CCDC183: variants seen among roughly 807,000 people sequenced by gnomAD.
CCDC183 encodes the protein coiled-coil domain containing 183, also known as coiled-coil domain-containing protein 183.
A neutral mutation model predicts 65.2 loss-of-function variants in CCDC183; 63 were observed. That is an observed-to-expected ratio of 0.97 (90% confidence interval 0.79 to 1.19). The LOEUF is 1.19. Ranked by LOEUF, CCDC183 falls within the 50% of genes most tolerant of loss-of-function variation. CCDC183 has a pLI of 0.00. For missense variants in CCDC183, 769 were observed against 689.3 expected, an observed-to-expected ratio of 1.12 and a Z score of -1.30; for synonymous variants, 323 against 276.5, an observed-to-expected ratio of 1.17 and a Z score of -1.67.
At chr9:136,803,593 C>G (rs1847787234) in intron 6 of CCDC183, among the ~76,000 whole-genome samples, 1 of 152,180 alleles carries the variant, frequency 6.6e-6, no homozygotes, top group African/African-American at 2.4e-5. Flanking sequence ...TGGCACTCAT[C>G]CAGTAGTCCA....
At position 136,796,341 on chromosome 9, in the gene CCDC183, C is replaced by T. The variant is rs946591570; in HGVS notation, c.-57C>T. ...AATCTGAGTGGCGGCTCTGAGCAAG[C>T]TGAGCCCAGGGAGGCTTTGAGGTAC... On this transcript the variant is annotated 5_prime_UTR_variant, in exon 1 of 14. Transcript: ENST00000338005. The T allele has an allele frequency of 8.4e-7, 1 of 1,189,218 alleles. No homozygotes were observed. Among genetic ancestry groups the T allele is most frequent in the African/African-American group, 1.5e-5 (1 of 68,014 alleles). 73.7% of individuals were successfully genotyped at this position (1,189,218 alleles called of 1,614,324 possible). A position where few individuals can be genotyped will look rare whatever the true frequency, so the allele number is the denominator to read the frequency against.
At position 136,803,273 on chromosome 9, in the gene CCDC183, G is replaced by T. The variant is rs998037397; in HGVS notation, c.666+487G>T. ...CGGATGGGGTCAAGGTGAGCTCAGG[G>T]CCCAGGGCTGGGGCCCCCCAGGGCG... On this transcript the variant is annotated intron_variant, in intron 6 of 13. Transcript: ENST00000338005. Among the ~76,000 whole-genome samples, 2 of 94,100 alleles carry T rather than the reference G, an allele frequency of 2.1e-5. 1 individual carries two copies. The highest frequency in any genetic ancestry group is 6.8e-4 in the South Asian group (2 of 2,930). The allele number at this position is 94,100 out of a possible 152,430, so 61.7% of individuals were successfully genotyped here. A position where few individuals can be genotyped will look rare whatever the true frequency, so the allele number is the denominator to read the frequency against.
At chr9:136,807,499 G>C in intron 13 of CCDC183, 73 bp from the exon 14 acceptor site, 1 of 1,487,340 alleles carries the variant, frequency 6.7e-7, no homozygotes, top group South Asian at 1.3e-5. Flanking sequence ...TGGAGGGCGG[G>C]GGCGAGAGGC....
At chr9:136,799,878 G>C in intron 3 of CCDC183, 88 bp downstream of exon 3, 1 of 1,448,252 alleles carries the variant, frequency 6.9e-7, no homozygotes, top group Non-Finnish European at 9.4e-7. Flanking sequence ...GACGAGGGAC[G>C]GAGCAGGTGC....
intron 3 of CCDC183, 81 bp from the exon 4 acceptor site, chr9:136,799,921 G>T: frequency 6.5e-7 from 1 of 1,527,892 alleles, no homozygotes; most frequent in Non-Finnish European, 8.8e-7. Context: ...GTTGCCACGA[G>T]CCTCCACCCG....
In CCDC183 at chr9:136,804,431, G is replaced by A. The variant is rs183735588; in HGVS notation, c.667-71G>A. 112 of 1,544,560 alleles carry A rather than the reference G, an allele frequency of 7.3e-5. No homozygotes were observed. The highest frequency in any genetic ancestry group is 2.3e-4 in the South Asian group (19 of 84,322). On this transcript the variant is annotated intron_variant, in intron 6 of 13. Coordinates refer to ENST00000338005, the MANE Select transcript of CCDC183 (RefSeq NM_001039374.5). This position sits in a 1 kb window ranked among gnomAD's most constrained non-coding sequence, Gnocchi z 4.1. ...GTAAGGTGAGCATGGCCAACCGCCCGCTGGCTTTACTGCCATTAGGGGCCT... is the reference window on the plus strand; with the variant it reads ...GTAAGGTGAGCATGGCCAACCGCCCACTGGCTTTACTGCCATTAGGGGCCT...
intron 1 of CCDC183, among the ~76,000 whole-genome samples, chr9:136,797,454 T>TA (rs1233635307): frequency 6.8e-6 from 1 of 147,948 alleles, no homozygotes; most frequent in East Asian, 2.0e-4. Flanking sequence ...TTTTTTTTTT[T>TA]ATGAGATGGA....
chr9:136,807,627 C>T lies in CCDC183; in HGVS notation c.1542C>T (p.Ile514=). ...DHSYVPSRAE[I]KRQAQRLIEG... is the part of the protein sequence containing the mutation. ...GCTACGTCCCTTCGCGCGCCGAGAT[C>T]AAGAGGCAGGCGCAGCGGCTAATCG... The change falls in exon 14 of 14, where the codon ATC becomes ATT. Residue 514 remains isoleucine, a synonymous_variant. Transcript: ENST00000338005. 1 of 1,605,510 alleles carries T rather than the reference C, an allele frequency of 6.2e-7. No individual in the cohort carries two copies. The highest frequency in any genetic ancestry group is 1.3e-5 in the African/African-American group (1 of 74,462).
chr9:136,799,448 GC>G, intron 2 of CCDC183: 1 of 796,992 alleles, frequency 1.3e-6, no homozygotes, highest in Non-Finnish European at 1.9e-6. Flanking sequence ...GCATCTGTGA[GC>G]CCACATCCTG....
chr9:136,804,763 G>T lies in CCDC183; in HGVS notation c.794G>T (p.Gly265Val). Residue 265 changes from glycine to valine, a missense_variant and splice_region_variant, in exon 8 of 14, where the codon GGC (glycine) becomes GTC (valine). Transcript: ENST00000338005. The surrounding 1 kb of genome is among the most constrained non-coding windows in gnomAD (Gnocchi z 4.1). Reference protein sequence around the residue: ...TKETSEKYRRGQMDLDFPSNL... With the variant: ...TKETSEKYRRVQMDLDFPSNL... ...TTCCCCGCCCCCACCTCCCATCAGG[G>T]CCAGATGGACTTGGACTTCCCCTCG... 6.2e-7 allele frequency: 1 copy of T among 1,613,750 alleles called. No individual in the cohort carries two copies. Among genetic ancestry groups the T allele is most frequent in the Non-Finnish European group, 8.5e-7 (1 of 1,179,842 alleles).
At position 136,802,660 on chromosome 9, in the gene CCDC183, A is replaced by G. The variant is rs533805328; in HGVS notation, c.544-4A>G. 6.8e-6 allele frequency: 11 copies of G among 1,608,670 alleles called. No individual in the cohort carries two copies. Among genetic ancestry groups the G allele is most frequent in the Non-Finnish European group, 9.3e-6 (11 of 1,177,800 alleles). On this transcript the variant is annotated splice_polypyrimidine_tract_variant and splice_region_variant and intron_variant, in intron 5 of 13. Coordinates refer to ENST00000338005, the MANE Select transcript of CCDC183 (RefSeq NM_001039374.5). ...GGGCCACAAGAGAACCCCATTCAAC[A>G]CAGGTGCTGGCAGGATACCCCATTG...
chr9:136,806,861 C>T lies in CCDC183; in HGVS notation c.1383C>T (p.Thr461=). ...LADRVQMVSR[T]EEGDTKVRDT... The stretch of plus-strand genomic sequence containing the variant: ...ACAGAGTGCAGATGGTGTCCAGGAC[C>T]GAGGAGGTAGCCCCGGGCTGGGAGG... Residue 461 remains threonine (T), a synonymous_variant, in exon 12 of 14, where the codon ACC becomes ACT. Transcript: ENST00000338005. 6.2e-7 allele frequency: 1 copy of T among 1,613,384 alleles called. No homozygotes were observed.
At position 136,802,042 on chromosome 9, in the gene CCDC183, G is replaced by A. The variant is rs558214684; in HGVS notation, c.544-622G>A. Among the ~76,000 whole-genome samples, 75 of 152,162 alleles carry A rather than the reference G, an allele frequency of 4.9e-4. 1 individual carries two copies. In the South Asian group the frequency reaches 9.1e-3, roughly 19 times the overall value. ...CTGACCTCATGATCTGCCTGCCTCC[G>A]GCCTCCCAGTGTTGGGATTACAGGC... On this transcript the variant is annotated intron_variant, in intron 5 of 13. Coordinates refer to ENST00000338005, the MANE Select transcript of CCDC183 (RefSeq NM_001039374.5).
At chr9:136,799,464 A>G in intron 2 of CCDC183, 1 of 747,714 alleles carries the variant, frequency 1.3e-6, no homozygotes, top group South Asian at 1.9e-5. Flanking sequence ...ATCCTGCAGC[A>G]GGGGCCCCCT....
At chr9:136,803,592 T>C (rs1259922028) in intron 6 of CCDC183, among the ~76,000 whole-genome samples, 1 of 152,110 alleles carries the variant, frequency 6.6e-6, no homozygotes, top group Non-Finnish European at 1.5e-5. Flanking sequence ...GTGGCACTCA[T>C]CCAGTAGTCC....
chr9:136,799,364 A>T, intron 2 of CCDC183, 141 bp downstream of exon 2: 1 of 1,318,592 alleles, frequency 7.6e-7, no homozygotes, highest in Non-Finnish European at 1.0e-6. Flanking sequence ...GGGCTCTGCT[A>T]GGACCTGTGC....
intron 5 of CCDC183, among the ~76,000 whole-genome samples, chr9:136,802,236 A>C (rs111473645): frequency 6.8e-4 from 23 of 33,884 alleles, no homozygotes; most frequent in African/African-American, 4.0e-3. Flanking sequence ...ATGGGGACAC[A>C]GAGAGATTAA....
At chr9:136,799,368 C>T in intron 2 of CCDC183, 145 bp downstream of exon 2, 1 of 1,293,942 alleles carries the variant, frequency 7.7e-7, no homozygotes, top group Non-Finnish European at 1.0e-6. Flanking sequence ...TCTGCTAGGA[C>T]CTGTGCCCTG....
chr9:136,802,555 C>A lies in CCDC183; in HGVS notation c.544-109C>A, dbSNP rs898728667. 1.7e-5 allele frequency: 25 copies of A among 1,454,654 alleles called. No homozygotes were observed. In the African/African-American group the frequency reaches 3.1e-4, roughly 18 times the overall value. The allele number at this position is 1,454,654 out of a possible 1,614,324, so 90.1% of individuals were successfully genotyped here. A position where few individuals can be genotyped will look rare whatever the true frequency, so the allele number is the denominator to read the frequency against. On this transcript the variant is annotated intron_variant, in intron 5 of 13. Transcript: ENST00000338005. ...GGGGAGTGGGGGAGGTGGCTGGGGC[C>A]ACAGAGGAGAACCTATCACTGTTCT...
Sources: gnomAD v4.1 joint callset for allele counts (sites outside exome capture counted in the v4.1 genomes callset) on GRCh38, gnomAD v4.1.1 for gene constraint, Gnocchi (gnomAD v3.1) non-coding constraint, MANE v1.5 for transcripts, NCBI Gene and HGNC (gene_info 2026-07-23, HGNC 2026-07-21) for gene names.